Variants in GALNT13 observed in about 807,000 individuals in gnomAD.
GALNT13 encodes polypeptide N-acetylgalactosaminyltransferase 13.
GALNT13 carries 28 observed loss-of-function variants against 64.2 expected under a neutral mutation model. The ratio of observed to expected loss-of-function variants is 0.44; its 90% CI spans 0.32 to 0.60. The LOEUF (loss-of-function observed/expected upper bound fraction) is 0.60, where lower values mean the gene tolerates loss of function less well. Among genes scored for constraint, GALNT13 ranks in the 20% least tolerant of loss-of-function variants. GALNT13 has a pLI of 0.05. For missense variants in GALNT13, 577 were observed against 669.8 expected (o/e 0.86, Z 1.53); for synonymous variants, 214 against 224.6 (o/e 0.95, Z 0.42).
At chr2:154,182,646 A>G (rs887500417) in intron 4 of GALNT13, among the ~76,000 whole-genome samples, 1 of 148,464 alleles carries the variant, frequency 6.7e-6, no homozygotes, top group Non-Finnish European at 1.5e-5. Context: ...GGTATATAAT[A>G]TATAAAAATA....
the GALNT13 span, among the ~76,000 whole-genome samples, chr2:153,069,373 G>T: frequency 6.6e-6 from 1 of 152,122 alleles, no homozygotes; most frequent in Non-Finnish European, 1.5e-5. Flanking sequence ...ATCTTACCTG[G>T]GAAGAGTGCT....
chr2:153,619,431 G>T, the GALNT13 span, among the ~76,000 whole-genome samples: 1 of 151,954 alleles, frequency 6.6e-6, no homozygotes. Flanking sequence ...TCTACTTAGG[G>T]CATGAGTAGT....
intron 11 of GALNT13, among the ~76,000 whole-genome samples, chr2:154,433,488 A>AAAAAAAT (rs761204478): frequency 6.6e-6 from 1 of 152,196 alleles, no homozygotes; most frequent in East Asian, 1.9e-4. Context: ...CTGGAAGAAT[A>AAAAAAAT]AAAAAATAAA....
chr2:154,147,981 A>G (rs1248862779), intron 4 of GALNT13, among the ~76,000 whole-genome samples: 1 of 151,416 alleles, frequency 6.6e-6, no homozygotes, highest in African/African-American at 2.4e-5. Context: ...GGTTAGTTAC[A>G]TATGTATACA....
intron 2 of GALNT13, among the ~76,000 whole-genome samples, chr2:153,943,913 A>C (rs1691526230): frequency 6.6e-6 from 1 of 152,234 alleles, no homozygotes; most frequent in African/African-American, 2.4e-5. Context: ...TACAGATGAG[A>C]AAACTGTGGC....
At chr2:154,439,178 C>G (rs1574310652) in intron 12 of GALNT13, among the ~76,000 whole-genome samples, 1 of 152,120 alleles carries the variant, frequency 6.6e-6, no homozygotes, top group Non-Finnish European at 1.5e-5. Context: ...TTACTGTTTA[C>G]AGTTGTAAAT....
At chr2:153,540,191 C>T in the GALNT13 span, among the ~76,000 whole-genome samples, 53 of 152,318 alleles carry the variant, frequency 3.5e-4, no homozygotes, top group Admixed American at 9.1e-4. Context: ...GTCCTGCATT[C>T]TGGCCACTTC....
rs146468487 is a variant in GALNT13 at position 154,233,951 on chromosome 2, G to A, written c.312-8079G>A. ...AAATATTAAACAGAGATTAAAGTGA[G>A]TAAGCTGGAAGATCTACCAGCAGGC... is the stretch of plus-strand genomic sequence containing the variant. On this transcript the variant is annotated intron_variant, in intron 4 of 12. Transcript: ENST00000392825. Among the ~76,000 whole-genome samples the A allele has an allele frequency of 5.3e-3, 808 of 152,194 alleles. 3 individuals carry two copies. The highest frequency in any genetic ancestry group is 8.4e-3 in the Admixed American group (129 of 15,268).
chr2:153,439,901 C>T, the GALNT13 span, among the ~76,000 whole-genome samples: 1 of 152,188 alleles, frequency 6.6e-6, no homozygotes, highest in African/African-American at 2.4e-5. Context: ...CACCCGTTTT[C>T]TGTGTCGCTC....
intron 3 of GALNT13, among the ~76,000 whole-genome samples, chr2:154,139,323 T>C (rs1032908025): frequency 6.6e-6 from 1 of 151,926 alleles, no homozygotes; most frequent in Non-Finnish European, 1.5e-5. Context: ...AACTTAAAAA[T>C]TATTTTCATA....
intron 8 of GALNT13, among the ~76,000 whole-genome samples, chr2:154,294,179 T>A (rs1692794303): frequency 4.6e-5 from 7 of 152,216 alleles, no homozygotes; most frequent in Admixed American, 4.6e-4. Flanking sequence ...CAGTATCCAT[T>A]GAGTTATGGA....
chr2:153,103,186 G>A, the GALNT13 span, among the ~76,000 whole-genome samples: 14 of 152,068 alleles, frequency 9.2e-5, no homozygotes, highest in African/African-American at 3.4e-4. Flanking sequence ...GTTTTACCAT[G>A]GCCTGAAACA....
chr2:154,154,743 A>G (rs66530341), intron 4 of GALNT13, among the ~76,000 whole-genome samples: 2 of 152,078 alleles, frequency 1.3e-5, no homozygotes, highest in African/African-American at 4.8e-5. Flanking sequence ...CTTTATTTGT[A>G]TGTGTAAGTA....
chr2:153,338,451 C>T, the GALNT13 span, among the ~76,000 whole-genome samples: 2 of 151,992 alleles, frequency 1.3e-5, no homozygotes, highest in Non-Finnish European at 2.9e-5. Flanking sequence ...ACATTTTTCG[C>T]ATTTTGAAAT....
the GALNT13 span, among the ~76,000 whole-genome samples, chr2:153,331,078 T>C: frequency 0.27 from 40,873 of 152,090 alleles, 6,853 homozygotes; most frequent in Non-Finnish European, 0.38. Flanking sequence ...ATGACATTTA[T>C]TGATTTGCAT....
the GALNT13 span, among the ~76,000 whole-genome samples, chr2:153,634,653 C>T: frequency 1.1e-4 from 16 of 147,398 alleles, no homozygotes; most frequent in African/African-American, 3.8e-4. Context: ...TGGGTTCAAG[C>T]GATTCTTCTG....
chr2:154,043,721 A>G (rs1699135269), intron 3 of GALNT13, among the ~76,000 whole-genome samples: 1 of 152,102 alleles, frequency 6.6e-6, no homozygotes, highest in Non-Finnish European at 1.5e-5. Flanking sequence ...ACTATTTTCA[A>G]AAAATCAGCT....
chr2:153,555,047 A>T, the GALNT13 span, among the ~76,000 whole-genome samples: 1 of 152,186 alleles, frequency 6.6e-6, no homozygotes, highest in Non-Finnish European at 1.5e-5. Context: ...AAAAAAATTT[A>T]ACTCTGTAGT....
chr2:153,363,934 A>C, the GALNT13 span, among the ~76,000 whole-genome samples: 2 of 152,182 alleles, frequency 1.3e-5, no homozygotes, highest in Non-Finnish European at 1.5e-5. Context: ...AGACACAACA[A>C]AAAAAGAAAA....
Sources: gnomAD v4.1 joint callset for allele counts (sites outside exome capture counted in the v4.1 genomes callset) on GRCh38, gnomAD v4.1.1 for gene constraint, MANE v1.5 for transcripts, NCBI Gene and HGNC (gene_info 2026-07-23, HGNC 2026-07-21) for gene names.